MICAL2: variants seen among roughly 807,000 people sequenced by gnomAD.
MICAL2 encodes microtubule associated monooxygenase, calponin and LIM domain containing 2.
In MICAL2, 77 loss-of-function variants were observed where a neutral mutation model predicts 127.3. That is an observed-to-expected ratio of 0.60 (90% CI 0.50 to 0.73). The LOEUF (loss-of-function observed/expected upper bound fraction) is 0.73, where lower values mean the gene tolerates loss of function less well. Among genes scored for constraint, MICAL2 ranks in the 30% least tolerant of loss-of-function variants. The pLI, the probability that MICAL2 is intolerant of heterozygous loss-of-function variation, is 0.00. For missense variants in MICAL2, 1,351 were observed against 1,434.4 expected, an observed-to-expected ratio of 0.94 and a Z score of 0.94; for synonymous variants, 570 against 551.1, an observed-to-expected ratio of 1.03 and a Z score of -0.48.
intron 29 of MICAL2, among the ~76,000 whole-genome samples, chr11:12,310,675 C>G (rs1355749643): frequency 2.6e-5 from 4 of 151,554 alleles, no homozygotes; most frequent in Non-Finnish European, 5.9e-5. Context: ...TGGTTCTGTA[C>G]AAATTTTAGG....
chr11:12,218,965 A>G (rs1856502005), intron 8 of MICAL2, among the ~76,000 whole-genome samples: 2 of 152,204 alleles, frequency 1.3e-5, no homozygotes, highest in South Asian at 4.1e-4. Context: ...CACTTCCCAC[A>G]TGGGGCTAGG....
intron 17 of MICAL2, among the ~76,000 whole-genome samples, 194 bp from the exon 18 acceptor site, chr11:12,240,846 C>T (rs934323077): frequency 2.6e-5 from 4 of 152,256 alleles, no homozygotes; most frequent in African/African-American, 9.6e-5. Flanking sequence ...TTGCTGTTCA[C>T]ATGGACAGGG....
intron 32 of MICAL2, among the ~76,000 whole-genome samples, chr11:12,345,461 A>G (rs1216156019): frequency 3.9e-5 from 6 of 152,250 alleles, no homozygotes; most frequent in African/African-American, 1.4e-4. Flanking sequence ...TTCCATGTCC[A>G]GTTCCATCTG....
chr11:12,115,685 G>C (rs1295836852), intron 1 of MICAL2, among the ~76,000 whole-genome samples: 1 of 152,066 alleles, frequency 6.6e-6, no homozygotes, highest in Non-Finnish European at 1.5e-5. Context: ...GGCAGTGCTA[G>C]AGTTGATCTT....
At chr11:12,241,302 T>G in intron 18 of MICAL2, 140 bp downstream of exon 18, 3 of 1,087,164 alleles carry the variant, frequency 2.8e-6, no homozygotes, top group Non-Finnish European at 3.9e-6. Flanking sequence ...TCACCACACT[T>G]ATAGGTAAGA....
chr11:12,129,026 G>T (rs1851183405), intron 1 of MICAL2, among the ~76,000 whole-genome samples: 2 of 152,302 alleles, frequency 1.3e-5, no homozygotes, highest in South Asian at 4.1e-4. Context: ...GGTCAGGGTA[G>T]AATGTCCATC....
At chr11:12,262,452 C>T in intron 26 of MICAL2, 28 bp from the exon 27 acceptor site, 1 of 1,613,212 alleles carries the variant, frequency 6.2e-7, no homozygotes, top group Non-Finnish European at 8.5e-7. Context: ...CTTTCTCTCT[C>T]TTTCCAATCT....
intron 32 of MICAL2, among the ~76,000 whole-genome samples, chr11:12,333,359 CAAA>C (rs35548022): frequency 6.9e-6 from 1 of 145,718 alleles, no homozygotes; most frequent in Non-Finnish European, 1.5e-5. Context: ...AAACTTTTAG[CAAA>C]AAAAAAAAGC....
intron 24 of MICAL2, 126 bp from the exon 25 acceptor site, chr11:12,258,342 C>T: frequency 1.4e-6 from 1 of 718,178 alleles, no homozygotes; most frequent in Non-Finnish European, 2.4e-6. Flanking sequence ...CAAGTTTGAG[C>T]CACCCTGGGC....
rs535219634 is a variant in MICAL2, at chr11:12,160,507, G to A, written c.-77-1572G>A. Among the ~76,000 whole-genome samples, 256 of 152,264 alleles carry A rather than the reference G, an allele frequency of 1.7e-3. 3 individuals carry two copies. The highest frequency in any genetic ancestry group is 5.8e-3 in the African/African-American group (242 of 41,546). ...GGACATCCCCACCGCACCTCCTCAC[G>A]AATCCTGAACCTTGAACTTGCTGTC... On this transcript the variant is annotated intron_variant, in intron 2 of 27. Coordinates refer to ENST00000683283, the MANE Select transcript of MICAL2 (RefSeq NM_001282663.2).
intron 1 of MICAL2, among the ~76,000 whole-genome samples, chr11:12,135,704 G>A (rs1851779244): frequency 6.6e-6 from 1 of 152,196 alleles, no homozygotes; most frequent in South Asian, 2.1e-4. Context: ...TAGGGCCCAA[G>A]TTCTTAACTG....
At chr11:12,215,847 C>G (rs912919858) in intron 7 of MICAL2, among the ~76,000 whole-genome samples, 1 of 152,206 alleles carries the variant, frequency 6.6e-6, no homozygotes, top group East Asian at 1.9e-4. Flanking sequence ...GCACAGTGGA[C>G]AGGACTTGGA....
intron 29 of MICAL2, chr11:12,319,651 GAA>G (rs1565304153): frequency 7.2e-7 from 1 of 1,388,270 alleles, no homozygotes; most frequent in Admixed American, 1.7e-5. Context: ...CATAAAGCAG[GAA>G]ATGAAGCTAG....
At chr11:12,251,577 TAAAAA>T (rs536942703) in intron 22 of MICAL2, among the ~76,000 whole-genome samples, 24 of 93,832 alleles carry the variant, frequency 2.6e-4, no homozygotes, top group East Asian at 1.7e-3. Context: ...CATTTCACTT[TAAAAA>T]AAAAAAAAAA....
At chr11:12,184,481 G>A (rs1159067618) in intron 3 of MICAL2, among the ~76,000 whole-genome samples, 1 of 152,202 alleles carries the variant, frequency 6.6e-6, no homozygotes, top group East Asian at 1.9e-4. Context: ...CCCGGGAGAG[G>A]TAAACTAAGG....
intron 19 of MICAL2, 21 bp from the exon 20 acceptor site, chr11:12,242,650 C>T: frequency 6.3e-7 from 1 of 1,597,170 alleles, no homozygotes; most frequent in Non-Finnish European, 8.6e-7. Flanking sequence ...TTTTCTTTCT[C>T]CTTTCTCACC....
At chr11:12,331,705 G>T (rs182383755) in intron 32 of MICAL2, among the ~76,000 whole-genome samples, 1 of 152,146 alleles carries the variant, frequency 6.6e-6, no homozygotes, top group Admixed American at 6.5e-5. Context: ...ACTTTTCTGC[G>T]AAATTTTCTC....
chr11:12,315,368 A>T (rs936478916), intron 29 of MICAL2, among the ~76,000 whole-genome samples: 1 of 152,180 alleles, frequency 6.6e-6, no homozygotes, highest in African/African-American at 2.4e-5. Context: ...TACAAATTCT[A>T]ATATGTTGTG....
chr11:12,300,123 C>T (rs181505615), intron 29 of MICAL2, among the ~76,000 whole-genome samples: 169 of 152,088 alleles, frequency 1.1e-3, no homozygotes, highest in African/African-American at 3.7e-3. Context: ...GGCAAAACCA[C>T]GTCTCTACTA....
Sources: allele counts gnomAD v4.1 joint callset (sites outside exome capture counted in the v4.1 genomes callset), GRCh38; gene constraint gnomAD v4.1.1; transcripts MANE v1.5; gene names NCBI Gene and HGNC (gene_info 2026-07-23, HGNC 2026-07-21).